The following BEST3 variants were observed in gnomAD, a reference collection of about 807,000 sequenced individuals.
The protein encoded by BEST3 is bestrophin 3, also known as bestrophin-3.
Under a neutral mutation model 47.1 loss-of-function variants are expected in BEST3, and 50 were observed. That is an observed-to-expected ratio of 1.06 (90% confidence interval 0.85 to 1.34). The LOEUF (loss-of-function observed/expected upper bound fraction) is 1.34. Among genes scored for constraint, BEST3 ranks in the 40% most tolerant of loss-of-function variants. The pLI is 0.00. For missense variants in BEST3, 765 were observed against 817.0 expected (o/e 0.94, Z 0.78); for synonymous variants, 282 against 298.8 (o/e 0.94, Z 0.58).
intron 1 of BEST3, among the ~76,000 whole-genome samples, chr12:69,698,932 C>T (rs912769035): frequency 6.6e-6 from 1 of 152,170 alleles, no homozygotes; most frequent in Admixed American, 6.5e-5. Flanking sequence ...AAGGATGGGA[C>T]TCATGCCACA....
intron 9 of BEST3, among the ~76,000 whole-genome samples, chr12:69,659,624 A>G (rs1391297481): frequency 6.6e-6 from 1 of 152,138 alleles, no homozygotes; most frequent in Non-Finnish European, 1.5e-5. Flanking sequence ...AAGTGTTGGG[A>G]TTATAGGCGA....
chr12:69,667,286 ATTCTTTTT>A (rs1241690615), intron 9 of BEST3, among the ~76,000 whole-genome samples: 29 of 151,902 alleles, frequency 1.9e-4, no homozygotes, highest in Non-Finnish European at 3.7e-4. Flanking sequence ...CTCCTAATTC[ATTCTTTTT>A]TTCTTTTTTT....
chr12:69,645,922 A>C (rs1408396601), intron 9 of BEST3, among the ~76,000 whole-genome samples: 1 of 152,076 alleles, frequency 6.6e-6, no homozygotes, highest in Non-Finnish European at 1.5e-5. Context: ...TGTTACTGGT[A>C]CCAGCATTTG....
At chr12:69,697,865 G>T (rs1238855017) in intron 1 of BEST3, 52 bp from the exon 2 acceptor site, 3 of 1,430,588 alleles carry the variant, frequency 2.1e-6, no homozygotes, top group South Asian at 2.7e-5. Context: ...TTAAAATAGG[G>T]CATAAATCTG....
rs1216351858 is a variant in BEST3 at position 69,655,352 on chromosome 12, T to C, written c.1562A>G (p.Asp521Gly). 1 of 1,614,006 alleles carries C rather than the reference T, an allele frequency of 6.2e-7. No homozygotes were observed. Among genetic ancestry groups the C allele is most frequent in the African/African-American group, 1.3e-5 (1 of 74,908 alleles). ...PVPTSGGYHH[D>G]SATSILSSEF... is the part of the protein sequence containing the mutation. ...AGAGCTCAAGATGGAGGTAGCGGAA[T>C]CATGGTGGTAGCCCCCTGATGTGGG... The change falls in exon 10 of 10, where the codon GAT becomes GGT. Residue 521 changes from aspartate (D) to glycine (G), a missense_variant. By Grantham distance (94) the Asp-to-Gly change is moderately conservative. Transcript: ENST00000330891.
chr12:69,694,353 G>A lies in BEST3; in HGVS notation c.247+17C>T, dbSNP rs765235713. On this transcript the variant is annotated intron_variant, in intron 3 of 9. Transcript: ENST00000330891. ...AGACAGCTATGTGGCTGCAATCTGC[G>A]TGTGACCTATACTTACCAAGCACAA... 17 of 1,514,664 alleles carry A rather than the reference G, an allele frequency of 1.1e-5. No homozygotes were observed. The East Asian group carries it at 1.2e-4, about 10-fold the overall frequency. The allele number at this position is 1,514,664 out of a possible 1,614,324, so 93.8% of individuals were successfully genotyped here.
chr12:69,666,824 C>T (rs932256341), intron 9 of BEST3, among the ~76,000 whole-genome samples: 1 of 152,174 alleles, frequency 6.6e-6, no homozygotes, highest in Non-Finnish European at 1.5e-5. Context: ...CAGTTTCACC[C>T]TTACACTCTC....
At chr12:69,679,150 G>T (rs543153807) in intron 4 of BEST3, among the ~76,000 whole-genome samples, 22 of 152,298 alleles carry the variant, frequency 1.4e-4, no homozygotes, top group Middle Eastern at 3.4e-3. Context: ...CCATTAGGAG[G>T]TAAGGAGACA....
intron 4 of BEST3, among the ~76,000 whole-genome samples, chr12:69,688,466 T>G (rs1885764370): frequency 6.6e-6 from 1 of 152,240 alleles, no homozygotes; most frequent in Admixed American, 6.5e-5. Flanking sequence ...ATTTTTAATT[T>G]GAGAAATTTA....
intron 4 of BEST3, 84 bp downstream of exon 4, chr12:69,693,590 C>A: frequency 8.6e-7 from 1 of 1,168,490 alleles, no homozygotes; most frequent in Non-Finnish European, 1.2e-6. Flanking sequence ...AGTGAATAAA[C>A]AAACATAAAG....
chr12:69,691,257 C>T (rs371099569), intron 4 of BEST3, among the ~76,000 whole-genome samples: 11 of 152,236 alleles, frequency 7.2e-5, no homozygotes, highest in Admixed American at 5.2e-4. Flanking sequence ...CTTTTTTAAT[C>T]CTCATAACAA....
chr12:69,687,730 A>G (rs1421994951), intron 4 of BEST3, among the ~76,000 whole-genome samples: 2 of 151,868 alleles, frequency 1.3e-5, no homozygotes, highest in East Asian at 1.9e-4. Flanking sequence ...CTCAGAGGTT[A>G]CTGTCTTATA....
At chr12:69,683,141 T>G (rs1466302448) in intron 4 of BEST3, 1 of 152,254 alleles carries the variant, frequency 6.6e-6, no homozygotes, top group Non-Finnish European at 1.5e-5. Flanking sequence ...TTTCTTAGCT[T>G]CTAAGCAGAA....
intron 9 of BEST3, among the ~76,000 whole-genome samples, chr12:69,646,940 A>T (rs201929795): frequency 7.4e-6 from 1 of 134,720 alleles, no homozygotes; most frequent in Non-Finnish European, 1.7e-5. Context: ...CTTGGGGAAT[A>T]AAAAAAAAGA....
At chr12:69,664,219 T>C (rs537166393) in intron 9 of BEST3, among the ~76,000 whole-genome samples, 11 of 152,360 alleles carry the variant, frequency 7.2e-5, no homozygotes, top group Non-Finnish European at 1.2e-4. Flanking sequence ...TTAAAGCTTA[T>C]AAAATGCAAT....
chr12:69,670,527 G>A, intron 9 of BEST3: 1 of 702,916 alleles, frequency 1.4e-6, no homozygotes, highest in East Asian at 2.7e-5. Flanking sequence ...AACCATCACT[G>A]ATGGGGATTA....
chr12:69,650,913 A>AT (rs1003869766), downstream of BEST3, among the ~76,000 whole-genome samples: 4 of 152,148 alleles, frequency 2.6e-5, no homozygotes, highest in African/African-American at 9.7e-5. Flanking sequence ...AAATGACTAG[A>AT]TTAATAATTT....
intron 9 of BEST3, among the ~76,000 whole-genome samples, chr12:69,662,999 A>T (rs1485694580): frequency 6.6e-6 from 1 of 152,132 alleles, no homozygotes; most frequent in African/African-American, 2.4e-5. Context: ...TTATGAATGG[A>T]TAGTTTGTTA....
chr12:69,666,835 T>A (rs1162479447), intron 9 of BEST3, among the ~76,000 whole-genome samples: 3 of 152,188 alleles, frequency 2.0e-5, no homozygotes, highest in African/African-American at 7.2e-5. Flanking sequence ...TTACACTCTC[T>A]CATCTTTGGT....
Sources: gnomAD v4.1 joint callset for allele counts (sites outside exome capture counted in the v4.1 genomes callset) on GRCh38, gnomAD v4.1.1 for gene constraint, MANE v1.5 for transcripts, NCBI Gene and HGNC (gene_info 2026-07-23, HGNC 2026-07-21) for gene names.